Variants in NKAIN2 observed in about 807,000 individuals in gnomAD.
NKAIN2 encodes the protein sodium/potassium transporting ATPase interacting 2.
Under a neutral mutation model 32.6 loss-of-function variants are expected in NKAIN2, and 14 were observed. The ratio of observed to expected loss-of-function variants is 0.43; its 90% CI spans 0.28 to 0.67. The LOEUF is 0.67. Among genes scored for constraint, NKAIN2 ranks in the 30% least tolerant of loss-of-function variants. NKAIN2 has a pLI of 0.17. For synonymous variants in NKAIN2, 80 were observed against 87.2 expected (o/e 0.92, Z 0.46); for missense variants, 198 against 258.3 (o/e 0.77, Z 1.60).
chr6:124,533,554 T>C (rs533167408), intron 3 of NKAIN2, among the ~76,000 whole-genome samples: 1 of 151,850 alleles, frequency 6.6e-6, no homozygotes, highest in African/African-American at 2.4e-5. Context: ...TATGTCCTCT[T>C]CCACCTCTCT....
intron 3 of NKAIN2, among the ~76,000 whole-genome samples, chr6:124,428,180 C>A (rs1161763580): frequency 1.3e-5 from 2 of 152,026 alleles, no homozygotes; most frequent in African/African-American, 2.4e-5. Flanking sequence ...AAAAATCTTT[C>A]ATTCTGGAAT....
At chr6:123,882,862 G>A (rs1773513568) in intron 1 of NKAIN2, among the ~76,000 whole-genome samples, 1 of 152,158 alleles carries the variant, frequency 6.6e-6, no homozygotes, top group African/African-American at 2.4e-5. Flanking sequence ...GATGTAGTTG[G>A]TTCCACATAA....
chr6:124,583,516 A>T (rs1253421133), intron 3 of NKAIN2, among the ~76,000 whole-genome samples: 1 of 152,220 alleles, frequency 6.6e-6, no homozygotes, highest in South Asian at 2.1e-4. Context: ...TATTGGAAAA[A>T]TCAATATTAT....
intron 4 of NKAIN2, among the ~76,000 whole-genome samples, chr6:124,739,506 C>T (rs1777104029): frequency 6.6e-6 from 1 of 151,834 alleles, no homozygotes; most frequent in Admixed American, 6.6e-5. Flanking sequence ...TAACCAATGA[C>T]CCTTCCACAG....
intron 3 of NKAIN2, among the ~76,000 whole-genome samples, chr6:124,571,626 T>C (rs771287892): frequency 6.6e-5 from 10 of 152,206 alleles, no homozygotes; most frequent in Non-Finnish European, 1.2e-4. Flanking sequence ...CACGTGGAAC[T>C]GTAAGCCCAG....
At chr6:124,745,042 C>A (rs532243902) in intron 4 of NKAIN2, among the ~76,000 whole-genome samples, 3 of 151,958 alleles carry the variant, frequency 2.0e-5, no homozygotes, top group African/African-American at 7.2e-5. Flanking sequence ...TCTTTGGATT[C>A]TCTTCTGATT....
chr6:124,568,257 A>G (rs920171818), intron 3 of NKAIN2, among the ~76,000 whole-genome samples: 6 of 152,200 alleles, frequency 3.9e-5, no homozygotes, highest in African/African-American at 9.6e-5. Context: ...CAATAATTCA[A>G]TCTCCCATAT....
rs1403943 is a variant in NKAIN2, at chr6:124,174,262, T to C, written c.55-108743T>C. On this transcript the variant is annotated intron_variant, in intron 1 of 6. Transcript: ENST00000368417. The stretch of plus-strand genomic sequence containing the variant: ...CATGGAATGCCACAGAATCCTGAAT[T>C]TGGAAGAAAATTCAGAAGTTGTTCA... Among the ~76,000 whole-genome samples, 669 of 152,238 alleles carry C rather than the reference T, an allele frequency of 4.4e-3. 4 individuals are homozygous for C. Among genetic ancestry groups the C allele is most frequent in the Middle Eastern group, 0.024 (7 of 294 alleles).
chr6:124,607,575 G>T (rs971273735), intron 3 of NKAIN2, among the ~76,000 whole-genome samples: 9 of 151,974 alleles, frequency 5.9e-5, no homozygotes, highest in Non-Finnish European at 1.3e-4. Context: ...CAAGCTAATG[G>T]CCTATTGCTT....
chr6:124,544,914 T>G (rs966619203), intron 3 of NKAIN2, among the ~76,000 whole-genome samples: 1 of 152,178 alleles, frequency 6.6e-6, no homozygotes, highest in African/African-American at 2.4e-5. Context: ...TATAATTTGA[T>G]GATAAAAAGT....
chr6:124,043,574 T>C (rs1484610023), intron 1 of NKAIN2, among the ~76,000 whole-genome samples: 2 of 151,998 alleles, frequency 1.3e-5, no homozygotes, highest in African/African-American at 4.8e-5. Context: ...TGGCAGACAA[T>C]ATTCATTTTG....
intron 2 of NKAIN2, among the ~76,000 whole-genome samples, chr6:124,345,822 G>A (rs1451829616): frequency 6.6e-6 from 1 of 152,026 alleles, no homozygotes. Context: ...GGTTTTTTAT[G>A]TCTCTATTTC....
At chr6:124,658,509 A>T in intron 4 of NKAIN2, 123 bp downstream of exon 4, 1 of 1,516,066 alleles carries the variant, frequency 6.6e-7, no homozygotes. Context: ...TTCCTCATTA[A>T]TGCGACTTTT....
intron 3 of NKAIN2, among the ~76,000 whole-genome samples, chr6:124,457,932 G>A (rs1043756206): frequency 1.3e-5 from 2 of 151,850 alleles, no homozygotes; most frequent in Non-Finnish European, 2.9e-5. Context: ...GTGTATGAAA[G>A]GTGCATGATA....
chr6:124,242,391 A>G (rs955496146), intron 1 of NKAIN2, among the ~76,000 whole-genome samples: 1 of 152,126 alleles, frequency 6.6e-6, no homozygotes, highest in Non-Finnish European at 1.5e-5. Context: ...AAATCAGGAA[A>G]CAACAGATGC....
chr6:124,625,042 A>G (rs116610670), intron 3 of NKAIN2, among the ~76,000 whole-genome samples: 1,634 of 152,258 alleles, frequency 0.011, 31 homozygotes, highest in African/African-American at 0.037. Flanking sequence ...TGCATCATTC[A>G]TATATCTAAA....
At chr6:123,812,340 C>G (rs1240734090) in intron 1 of NKAIN2, among the ~76,000 whole-genome samples, 2 of 152,044 alleles carry the variant, frequency 1.3e-5, no homozygotes, top group African/African-American at 4.8e-5. Context: ...AGAAACTCAA[C>G]TGATTAAGCA....
At chr6:124,812,692 T>C (rs1367251679) in intron 5 of NKAIN2, among the ~76,000 whole-genome samples, 2 of 152,090 alleles carry the variant, frequency 1.3e-5, no homozygotes, top group African/African-American at 2.4e-5. Flanking sequence ...ACTTAAATAC[T>C]ACATTTCCAA....
chr6:124,186,385 T>G (rs1789744591), intron 1 of NKAIN2, among the ~76,000 whole-genome samples: 1 of 151,654 alleles, frequency 6.6e-6, no homozygotes, highest in Non-Finnish European at 1.5e-5. Flanking sequence ...CCAGGTGCAT[T>G]GAGCTGTGAT....
Sources: gnomAD v4.1 joint callset for allele counts (sites outside exome capture counted in the v4.1 genomes callset) on GRCh38, gnomAD v4.1.1 for gene constraint, MANE v1.5 for transcripts, NCBI Gene and HGNC (gene_info 2026-07-23, HGNC 2026-07-21) for gene names.